PKD1L1: variants seen among roughly 807,000 people sequenced by gnomAD.
The protein encoded by PKD1L1 is polycystin-1-like protein 1.
In PKD1L1, 236 loss-of-function variants were observed where a neutral mutation model predicts 323.4. The ratio of observed to expected loss-of-function variants is 0.73; its 90% confidence interval spans 0.66 to 0.81. The LOEUF (loss-of-function observed/expected upper bound fraction) is 0.81. Ranked by LOEUF, PKD1L1 falls within the 40% of genes least tolerant of loss-of-function variation. The pLI is 0.00. For missense variants in PKD1L1, 3,320 were observed against 3,508.0 expected (o/e 0.95, Z 1.35); for synonymous variants, 1,344 against 1,335.0 (o/e 1.01, Z -0.15).
intron 3 of PKD1L1, among the ~76,000 whole-genome samples, chr7:47,937,983 G>A (rs934018493): frequency 2.6e-5 from 4 of 152,056 alleles, no homozygotes; most frequent in African/African-American, 9.7e-5. Context: ...TTTGGCCTAC[G>A]GGAAGCTGGC....
upstream of PKD1L1, among the ~76,000 whole-genome samples, chr7:47,953,407 T>C (rs1480040455): frequency 1.3e-5 from 2 of 152,216 alleles, no homozygotes; most frequent in Non-Finnish European, 2.9e-5. Flanking sequence ...TGGTATTTCA[T>C]GAAGTATGAA....
At chr7:47,823,701 T>C (rs1785191127) in intron 45 of PKD1L1, among the ~76,000 whole-genome samples, 1 of 152,198 alleles carries the variant, frequency 6.6e-6, no homozygotes, top group Non-Finnish European at 1.5e-5. Flanking sequence ...CCAGATTCAT[T>C]ACTTCATTAA....
intron 22 of PKD1L1, 33 bp from the exon 23 acceptor site, chr7:47,876,250 T>G: frequency 6.2e-7 from 1 of 1,608,916 alleles, no homozygotes; most frequent in Non-Finnish European, 8.5e-7. Flanking sequence ...AAAAATAGTA[T>G]AAATGAACAC....
chr7:47,858,318 T>A (rs1233976213), intron 27 of PKD1L1, among the ~76,000 whole-genome samples: 5 of 152,186 alleles, frequency 3.3e-5, no homozygotes, highest in African/African-American at 1.2e-4. Flanking sequence ...CTTTTAAAAT[T>A]GCTGCATGCA....
upstream of PKD1L1, among the ~76,000 whole-genome samples, chr7:47,950,633 C>T (rs1583700615): frequency 1.3e-5 from 2 of 151,846 alleles, no homozygotes; most frequent in Non-Finnish European, 2.9e-5. Context: ...TCGCTTGAAC[C>T]GGGGAGGCAG....
At chr7:47,829,917 A>G (rs1001916168) in intron 43 of PKD1L1, 123 bp downstream of exon 43, 8 of 942,024 alleles carry the variant, frequency 8.5e-6, no homozygotes, top group East Asian at 5.1e-5. Flanking sequence ...GTTCTCTCCA[A>G]CCACAGCTGA....
At chr7:47,819,727 G>A (rs1299800375) in intron 46 of PKD1L1, 2 of 443,222 alleles carry the variant, frequency 4.5e-6, no homozygotes, top group Non-Finnish European at 7.9e-6. Context: ...CTTACCTTAC[G>A]AGTGGGTCAC....
intron 33 of PKD1L1, among the ~76,000 whole-genome samples, chr7:47,844,501 A>T (rs957659212): frequency 6.6e-6 from 1 of 152,246 alleles, no homozygotes; most frequent in African/African-American, 2.4e-5. Context: ...CTTTACTCAT[A>T]TCTCAGAGTC....
rs929514084 is a variant in PKD1L1 at position 47,831,305 on chromosome 7, G to A, written c.6385C>T (p.Leu2129Phe). Residue 2129 changes from leucine to phenylalanine, a missense_variant, in exon 42 of 57, where the codon CTT (leucine) becomes TTT (phenylalanine). Coordinates refer to ENST00000289672, the MANE Select transcript of PKD1L1 (RefSeq NM_138295.5). ...ACTGCAGAGCTCCACCAAGGCTGAA[G>A]GGCCCTTGACCACTGGGGCATTAGT... The part of the protein sequence containing the change: ...EGLMPQWSRA[L>F]QPWWSSAVWA... The A allele has an allele frequency of 8.7e-6, 14 of 1,614,058 alleles. No individual in the cohort carries two copies. The highest frequency in any genetic ancestry group is 3.3e-5 in the Admixed American group (2 of 60,000).
chr7:47,905,978 A>C lies in PKD1L1; in HGVS notation c.1403-16T>G, dbSNP rs1787197477. 6.4e-7 allele frequency: 1 copy of C among 1,569,884 alleles called. No homozygotes were observed. The highest frequency in any genetic ancestry group is 1.4e-5 in the African/African-American group (1 of 72,348). Reference sequence around the variant, plus strand: ...ACCACAGTGCCTAAAATGAGAAAAAAAGGAGATAAGAGAAAAAGTCTTAAA... The same window carrying C: ...ACCACAGTGCCTAAAATGAGAAAAACAGGAGATAAGAGAAAAAGTCTTAAA... On this transcript the variant is annotated splice_polypyrimidine_tract_variant and intron_variant, in intron 9 of 56. Coordinates refer to ENST00000289672, the MANE Select transcript of PKD1L1 (RefSeq NM_138295.5).
At position 47,796,064 on chromosome 7, in the gene PKD1L1, A is replaced by G. The variant is rs1784520132; in HGVS notation, c.8280T>C (p.Tyr2760=). The change falls in exon 55 of 57, where the codon TAT becomes TAC. Residue 2760 remains tyrosine, a synonymous_variant. Transcript: ENST00000289672. ...SFVRLKDVTA[Y]MWEKVLTFLR... ...GAAAGGTGAGGACCTTTTCCCACAT[A>G]TAAGCAGTGACATCTTTAAGTCTCA... is the stretch of plus-strand genomic sequence containing the variant. 6.2e-7 allele frequency: 1 copy of G among 1,612,482 alleles called. No individual in the cohort carries two copies. The highest frequency in any genetic ancestry group is 8.5e-7 in the Non-Finnish European group (1 of 1,178,872).
At chr7:47,852,275 A>G (rs1785798008) in intron 31 of PKD1L1, among the ~76,000 whole-genome samples, 1 of 152,194 alleles carries the variant, frequency 6.6e-6, no homozygotes, top group Admixed American at 6.5e-5. Context: ...GTATTTTTCT[A>G]ATTTTCTATC....
At chr7:47,832,828 T>C (rs1166603217) in intron 41 of PKD1L1, among the ~76,000 whole-genome samples, 1 of 152,232 alleles carries the variant, frequency 6.6e-6, no homozygotes, top group Non-Finnish European at 1.5e-5. Flanking sequence ...AACTCCAGAA[T>C]ACTTTAAAAA....
At chr7:47,823,618 G>A (rs922190180) in intron 45 of PKD1L1, among the ~76,000 whole-genome samples, 5 of 152,128 alleles carry the variant, frequency 3.3e-5, no homozygotes, top group African/African-American at 1.2e-4. Context: ...TTCCCACGAG[G>A]AAACACATAA....
At chr7:47,795,041 G>C (rs1385352902) in intron 55 of PKD1L1, among the ~76,000 whole-genome samples, 1 of 152,172 alleles carries the variant, frequency 6.6e-6, no homozygotes, top group East Asian at 1.9e-4. Flanking sequence ...TGTCTCAGAT[G>C]ACACTTTGGA....
the PKD1L1 span, among the ~76,000 whole-genome samples, chr7:47,959,637 T>A: frequency 8.8e-6 from 1 of 113,536 alleles, no homozygotes; most frequent in Non-Finnish European, 2.0e-5. Context: ...AGCCACCCCA[T>A]CCGGGAGGGA....
intron 48 of PKD1L1, 181 bp from the exon 49 acceptor site, chr7:47,813,474 C>T (rs1401110592): frequency 1.3e-6 from 1 of 754,850 alleles, no homozygotes; most frequent in Non-Finnish European, 2.3e-6. Context: ...GCTCAAGCTA[C>T]AGGATCAAGG....
At position 47,790,334 on chromosome 7, in the gene PKD1L1, ATT is replaced by A. The variant is rs35927380; in HGVS notation, c.8526+2291_8526+2292del. On this transcript the variant is annotated intron_variant, in intron 56 of 56. Transcript: ENST00000289672. Reference sequence around the variant, plus strand: ...AATAATAATAATTGCTAAATAAATAATTTTTTTTTTTTTGAGATGGAGTCTCA... The same window carrying A: ...AATAATAATAATTGCTAAATAAATAATTTTTTTTTTTGAGATGGAGTCTCA... 2.2e-3 allele frequency among the ~76,000 whole-genome samples: 319 copies of A among 146,472 alleles called. 2 individuals are homozygous for A. The highest frequency in any genetic ancestry group is 6.5e-3 in the African/African-American group (260 of 39,914).
rs760012839 is a variant in PKD1L1 at position 47,946,232 on chromosome 7, C to T, written c.44+2165G>A. On this transcript the variant is annotated intron_variant, in intron 1 of 56. Transcript: ENST00000289672. The surrounding 1 kb of genome is among the most constrained non-coding windows in gnomAD (Gnocchi z 4.1). ...CATCATGTGCCTCAAGGGAACTAGT[C>T]GAGCCATTTGTTTGAATTACATGAC... 1.6e-4 allele frequency among the ~76,000 whole-genome samples: 24 copies of T among 152,046 alleles called. No individual in the cohort carries two copies. The highest frequency in any genetic ancestry group is 4.6e-4 in the Admixed American group (7 of 15,262).
Sources: gnomAD v4.1 joint callset for allele counts (sites outside exome capture counted in the v4.1 genomes callset) on GRCh38, gnomAD v4.1.1 for gene constraint, Gnocchi (gnomAD v3.1) non-coding constraint, MANE v1.5 for transcripts, NCBI Gene and HGNC (gene_info 2026-07-23, HGNC 2026-07-21) for gene names.